VAT1L: variants seen among roughly 807,000 people sequenced by gnomAD.
The protein encoded by VAT1L is putative NADPH-dependent quinone oxidoreductase VAT1L.
Under a neutral mutation model 44.1 loss-of-function variants are expected in VAT1L, and 34 were observed. The observed-to-expected ratio is 0.77, with a 90% CI of 0.59 to 1.03. The LOEUF is 1.03. VAT1L is among the 50% of genes least tolerant of loss of function. The pLI is 0.00. For missense variants in VAT1L, 615 were observed against 538.8 expected (o/e 1.14, Z -1.40); for synonymous variants, 253 against 202.2 (o/e 1.25, Z -2.13).
intron 4 of VAT1L, among the ~76,000 whole-genome samples, chr16:77,873,090 CTAAAT>C (rs2017048921): frequency 6.6e-6 from 1 of 152,180 alleles, no homozygotes; most frequent in African/African-American, 2.4e-5. Context: ...TTTTCAGAGA[CTAAAT>C]TAAATTGGCT....
Position 77,879,310 on chromosome 16 carries a change from G to T in VAT1L, c.882+86G>T. Reference sequence around the variant, plus strand: ...TTGTTTTTGTTTGTTTGTTTGTTTTGAGACAGCGTCTCGTTCTGTCACCAG... The same window carrying T: ...TTGTTTTTGTTTGTTTGTTTGTTTTTAGACAGCGTCTCGTTCTGTCACCAG... On this transcript the variant is annotated intron_variant, in intron 6 of 8. Transcript: ENST00000302536. The surrounding 1 kb of genome is among the most constrained non-coding windows in gnomAD (Gnocchi z 4.1). 6.9e-7 allele frequency: 1 copy of T among 1,449,274 alleles called. No individual in the cohort carries two copies. Among genetic ancestry groups the T allele is most frequent in the South Asian group, 1.2e-5 (1 of 86,778 alleles). 89.8% of individuals were successfully genotyped at this position (1,449,274 alleles called of 1,614,324 possible).
At chr16:77,924,068 T>C (rs1215504010) in intron 7 of VAT1L, among the ~76,000 whole-genome samples, 2 of 152,076 alleles carry the variant, frequency 1.3e-5, no homozygotes, top group Admixed American at 1.3e-4. Context: ...GAGCAACTGA[T>C]TCAACATCTC....
intron 1 of VAT1L, among the ~76,000 whole-genome samples, chr16:77,797,143 G>A (rs931490525): frequency 2.0e-5 from 3 of 149,672 alleles, no homozygotes; most frequent in African/African-American, 7.4e-5. Flanking sequence ...ATGGGGTCTC[G>A]CTCTATCACC....
chr16:77,934,325 A>G lies in VAT1L; in HGVS notation c.1078-37525A>G, dbSNP rs573032517. ...TGATGCTCCCCACACCCCCAAGATG[A>G]CCCTGTTCTAATCCCTTGGACCTGT... On this transcript the variant is annotated intron_variant, in intron 7 of 8. Coordinates refer to ENST00000302536, the MANE Select transcript of VAT1L (RefSeq NM_020927.3). Among the ~76,000 whole-genome samples, 8 of 152,138 alleles carry G rather than the reference A, an allele frequency of 5.3e-5. No homozygotes were observed. In the South Asian group the frequency reaches 1.7e-3, roughly 32 times the overall value.
chr16:77,961,007 T>A (rs1321060731), intron 7 of VAT1L, among the ~76,000 whole-genome samples: 2 of 152,052 alleles, frequency 1.3e-5, no homozygotes, highest in Admixed American at 6.6e-5. Context: ...TGGGGTTAAA[T>A]AAACAAATCA....
intron 1 of VAT1L, among the ~76,000 whole-genome samples, chr16:77,797,875 A>T (rs1351255758): frequency 1.3e-5 from 2 of 152,210 alleles, no homozygotes; most frequent in Non-Finnish European, 2.9e-5. Flanking sequence ...AATTAGTTTG[A>T]TTCCTCTGTG....
rs34182080 is a variant in VAT1L, at chr16:77,926,257, T to TA, written c.1077+41475dup. On this transcript the variant is annotated intron_variant, in intron 7 of 8. Transcript: ENST00000302536. ...AACAGAGTGAGACTCCGTCTCAAAG[T>TA]AAAAAAAAAAAAAAAAAAAATAGGA... Among the ~76,000 whole-genome samples the TA allele has an allele frequency of 8.7e-3, 984 of 112,782 alleles. 5 individuals are homozygous for TA. Among genetic ancestry groups the TA allele is most frequent in the African/African-American group, 0.027 (802 of 29,430 alleles). 74.0% of individuals were successfully genotyped at this position (112,782 alleles called of 152,430 possible).
At chr16:77,971,614 A>G (rs775853831) in intron 7 of VAT1L, among the ~76,000 whole-genome samples, 1 of 152,182 alleles carries the variant, frequency 6.6e-6, no homozygotes, top group Non-Finnish European at 1.5e-5. Flanking sequence ...TACTTATTTC[A>G]AGAGCTGTCA....
At chr16:77,803,959 G>A (rs1009584121) in intron 1 of VAT1L, among the ~76,000 whole-genome samples, 3 of 152,120 alleles carry the variant, frequency 2.0e-5, no homozygotes, top group African/African-American at 4.8e-5. Context: ...TCCCAGTGAC[G>A]TGATTTAAGA....
At chr16:77,808,981 T>C (rs1451793482) in intron 1 of VAT1L, among the ~76,000 whole-genome samples, 1 of 152,210 alleles carries the variant, frequency 6.6e-6, no homozygotes, top group East Asian at 1.9e-4. Context: ...GTATACGGCA[T>C]AGTATACAGT....
At chr16:77,802,386 G>T (rs534675449) in intron 1 of VAT1L, among the ~76,000 whole-genome samples, 1 of 152,280 alleles carries the variant, frequency 6.6e-6, no homozygotes, top group South Asian at 2.1e-4. Context: ...GGAGGGCAAG[G>T]GGGGTGGAGC....
At chr16:77,830,337 T>A (rs1328385352) in intron 3 of VAT1L, among the ~76,000 whole-genome samples, 4 of 152,210 alleles carry the variant, frequency 2.6e-5, no homozygotes, top group Non-Finnish European at 5.9e-5. Context: ...TCCTCTCTTG[T>A]CTGGGTAGCC....
chr16:77,955,861 C>T (rs1274383404), intron 7 of VAT1L, among the ~76,000 whole-genome samples: 1 of 152,156 alleles, frequency 6.6e-6, no homozygotes, highest in African/African-American at 2.4e-5. Context: ...ATCCTTCCTT[C>T]CTTCTTCGCT....
At chr16:77,795,207 G>T (rs1396672375) in intron 1 of VAT1L, among the ~76,000 whole-genome samples, 2 of 147,790 alleles carry the variant, frequency 1.4e-5, no homozygotes, top group East Asian at 4.1e-4. Context: ...TTTCCATTCT[G>T]CTGCTAAAAA....
At position 77,884,573 on chromosome 16, in the gene VAT1L, G is replaced by T; in HGVS notation, c.883-35G>T. ...CCAATGTAGGCTTAACCCCGGTATT[G>T]AGTTCCTATAACCCAATACCACCTC... On this transcript the variant is annotated intron_variant, in intron 6 of 8. Coordinates refer to ENST00000302536, the MANE Select transcript of VAT1L (RefSeq NM_020927.3). The surrounding 1 kb of genome is among the most constrained non-coding windows in gnomAD (Gnocchi z 4.5). 1 of 1,597,442 alleles carries T rather than the reference G, an allele frequency of 6.3e-7. No homozygotes were observed. The highest frequency in any genetic ancestry group is 1.1e-5 in the South Asian group (1 of 88,318).
intron 4 of VAT1L, among the ~76,000 whole-genome samples, chr16:77,866,926 T>C (rs1376214411): frequency 6.6e-6 from 1 of 152,152 alleles, no homozygotes; most frequent in East Asian, 1.9e-4. Flanking sequence ...GCCCCTCAGG[T>C]GCACTTGAAG....
chr16:77,869,230 G>A (rs1390165639), intron 4 of VAT1L, among the ~76,000 whole-genome samples: 3 of 152,196 alleles, frequency 2.0e-5, no homozygotes, highest in Non-Finnish European at 4.4e-5. Context: ...ATGAGACCAA[G>A]ACGTCTTTTC....
intron 1 of VAT1L, among the ~76,000 whole-genome samples, chr16:77,794,876 AT>A: frequency 6.6e-6 from 1 of 152,260 alleles, no homozygotes; most frequent in South Asian, 2.1e-4. Flanking sequence ...ATTTAATGAA[AT>A]TTGCATTCTC....
intron 3 of VAT1L, among the ~76,000 whole-genome samples, chr16:77,830,966 G>A (rs1386045519): frequency 6.6e-6 from 1 of 152,230 alleles, no homozygotes; most frequent in Non-Finnish European, 1.5e-5. Flanking sequence ...TTACAGGCGT[G>A]AGCCACCGCA....
Sources: gnomAD v4.1 joint callset for allele counts (sites outside exome capture counted in the v4.1 genomes callset) on GRCh38, gnomAD v4.1.1 for gene constraint, Gnocchi (gnomAD v3.1) non-coding constraint, MANE v1.5 for transcripts, NCBI Gene and HGNC (gene_info 2026-07-23, HGNC 2026-07-21) for gene names.